Variants in GALNT13 observed in about 807,000 individuals in gnomAD.
The protein encoded by GALNT13 is polypeptide N-acetylgalactosaminyltransferase 13, also known as UDP-GalNAc:polypeptide N-acetylgalactosaminyltransferase 13.
Under a neutral mutation model 64.2 loss-of-function variants are expected in GALNT13, and 28 were observed. The observed-to-expected ratio is 0.44, with a 90% CI of 0.32 to 0.60. The LOEUF (loss-of-function observed/expected upper bound fraction) is 0.60, where lower values mean the gene tolerates loss of function less well. Ranked by LOEUF, GALNT13 falls within the 20% of genes least tolerant of loss-of-function variation. The probability of loss-of-function intolerance (pLI) is 0.05; values close to 1 mark genes in which losing one functional copy is unlikely to be tolerated. For missense variants in GALNT13, 577 were observed against 669.8 expected, an observed-to-expected ratio of 0.86 and a Z score of 1.53; for synonymous variants, 214 against 224.6, an observed-to-expected ratio of 0.95 and a Z score of 0.42.
intron 8 of GALNT13, among the ~76,000 whole-genome samples, chr2:154,272,862 T>G (rs1309133182): frequency 6.6e-6 from 1 of 152,082 alleles, no homozygotes; most frequent in East Asian, 1.9e-4. Context: ...TTTTCTTACG[T>G]GGAAAGGGAA....
intron 11 of GALNT13, chr2:154,436,740 T>C (rs550856383): frequency 1.2e-3 from 189 of 152,320 alleles, no homozygotes; most frequent in African/African-American, 4.2e-3. Context: ...AAAAAACATA[T>C]GAACATGAAA....
At chr2:153,435,509 C>T in the GALNT13 span, among the ~76,000 whole-genome samples, 2 of 151,722 alleles carry the variant, frequency 1.3e-5, no homozygotes, top group Non-Finnish European at 2.9e-5. Context: ...TTTCCTTGAG[C>T]AGTGGTTTGT....
At chr2:154,033,472 T>C (rs1256096765) in intron 3 of GALNT13, among the ~76,000 whole-genome samples, 1 of 151,812 alleles carries the variant, frequency 6.6e-6, no homozygotes, top group East Asian at 1.9e-4. Context: ...CAATAATAAT[T>C]AAAAACTATC....
At chr2:154,196,073 T>C (rs1420685056) in intron 4 of GALNT13, among the ~76,000 whole-genome samples, 1 of 152,224 alleles carries the variant, frequency 6.6e-6, no homozygotes, top group East Asian at 1.9e-4. Flanking sequence ...TGGTGTCTTT[T>C]GGGTAAAAAG....
the GALNT13 span, among the ~76,000 whole-genome samples, chr2:153,648,633 A>G: frequency 6.6e-6 from 1 of 152,158 alleles, no homozygotes; most frequent in African/African-American, 2.4e-5. Flanking sequence ...ATTTTGAGAT[A>G]CGTCCCATCA....
At chr2:153,467,836 C>T in the GALNT13 span, among the ~76,000 whole-genome samples, 32 of 152,064 alleles carry the variant, frequency 2.1e-4, no homozygotes, top group African/African-American at 7.7e-4. Context: ...TAGAAGAAAA[C>T]AGTGAGAGGA....
chr2:154,382,787 GTT>G (rs11307476), intron 9 of GALNT13, among the ~76,000 whole-genome samples: 19 of 149,764 alleles, frequency 1.3e-4, no homozygotes, highest in South Asian at 1.1e-3. Flanking sequence ...CTCTTAAAAC[GTT>G]TTTTTTTTTT....
At chr2:153,514,116 TTTC>T in the GALNT13 span, among the ~76,000 whole-genome samples, 1 of 152,208 alleles carries the variant, frequency 6.6e-6, no homozygotes, top group African/African-American at 2.4e-5. Context: ...TTGTTTAGTC[TTTC>T]TTAACACTTT....
At chr2:154,440,162 A>G (rs912668045) in intron 12 of GALNT13, among the ~76,000 whole-genome samples, 4 of 152,128 alleles carry the variant, frequency 2.6e-5, no homozygotes, top group Non-Finnish European at 4.4e-5. Context: ...TTCCGTTTCT[A>G]CCAGGAACCT....
chr2:154,300,263 C>A (rs180872806), intron 8 of GALNT13, among the ~76,000 whole-genome samples: 1 of 151,828 alleles, frequency 6.6e-6, no homozygotes, highest in Non-Finnish European at 1.5e-5. Flanking sequence ...TCACCACATC[C>A]GGCTGATTTT....
the GALNT13 span, among the ~76,000 whole-genome samples, chr2:153,362,501 C>A: frequency 8.0e-6 from 1 of 124,752 alleles, no homozygotes; most frequent in African/African-American, 3.1e-5. Context: ...TGCAAGGACA[C>A]ATAGGCTGAA....
At chr2:153,335,784 A>T in the GALNT13 span, among the ~76,000 whole-genome samples, 1 of 152,208 alleles carries the variant, frequency 6.6e-6, no homozygotes, top group Non-Finnish European at 1.5e-5. Flanking sequence ...CTCCAAGACC[A>T]TGGGGAAAAT....
chr2:154,386,787 A>T (rs1698533825), intron 9 of GALNT13, among the ~76,000 whole-genome samples: 1 of 151,996 alleles, frequency 6.6e-6, no homozygotes, highest in African/African-American at 2.4e-5. Context: ...CACTTTTCTT[A>T]TTTCCCATAT....
At chr2:154,176,004 G>C (rs1685625437) in intron 4 of GALNT13, among the ~76,000 whole-genome samples, 1 of 151,860 alleles carries the variant, frequency 6.6e-6, no homozygotes, top group African/African-American at 2.4e-5. Context: ...ATGGACCACT[G>C]TCAAGGTAGT....
the GALNT13 span, among the ~76,000 whole-genome samples, chr2:153,729,316 T>C: frequency 6.6e-6 from 1 of 152,120 alleles, no homozygotes; most frequent in Non-Finnish European, 1.5e-5. Flanking sequence ...ATGTACATAT[T>C]TTTAATATAT....
At chr2:153,490,739 C>G in the GALNT13 span, among the ~76,000 whole-genome samples, 1 of 152,080 alleles carries the variant, frequency 6.6e-6, no homozygotes, top group Admixed American at 6.6e-5. Flanking sequence ...GCAGTCAGAT[C>G]ACCTGAGGTC....
At chr2:153,668,556 T>A in the GALNT13 span, among the ~76,000 whole-genome samples, 1 of 151,868 alleles carries the variant, frequency 6.6e-6, no homozygotes, top group Non-Finnish European at 1.5e-5. Context: ...CAAGTAGATC[T>A]TCAGAAGGAG....
intron 9 of GALNT13, among the ~76,000 whole-genome samples, chr2:154,308,039 A>G (rs532725317): frequency 8.5e-5 from 13 of 152,176 alleles, no homozygotes; most frequent in African/African-American, 1.2e-4. Flanking sequence ...CAGTTTTTAT[A>G]TAACACCCAG....
intron 3 of GALNT13, among the ~76,000 whole-genome samples, chr2:154,021,398 C>T (rs1697479812): frequency 6.6e-6 from 1 of 152,080 alleles, no homozygotes; most frequent in African/African-American, 2.4e-5. Flanking sequence ...TTGTAGTTCT[C>T]CTTGAAGAGG....
Sources: gnomAD v4.1 joint callset for allele counts (sites outside exome capture counted in the v4.1 genomes callset) on GRCh38, gnomAD v4.1.1 for gene constraint, MANE v1.5 for transcripts, NCBI Gene and HGNC (gene_info 2026-07-23, HGNC 2026-07-21) for gene names.